The following TMEFF2 variants were observed in gnomAD, a reference collection of about 807,000 sequenced individuals.
TMEFF2 encodes the protein tomoregulin-2.
TMEFF2 carries 28 observed loss-of-function variants against 53.8 expected under a neutral mutation model. The ratio of observed to expected loss-of-function variants is 0.52; its 90% CI spans 0.39 to 0.71. The LOEUF (loss-of-function observed/expected upper bound fraction) is 0.71. TMEFF2 is among the 30% of genes least tolerant of loss of function. TMEFF2 has a pLI of 0.00. For missense variants in TMEFF2, 353 were observed against 455.2 expected (o/e 0.78, Z 2.04); for synonymous variants, 162 against 166.3 (o/e 0.97, Z 0.20).
intron 4 of TMEFF2, among the ~76,000 whole-genome samples, chr2:192,132,714 T>C (rs560717351): frequency 1.3e-5 from 2 of 152,280 alleles, no homozygotes; most frequent in South Asian, 4.1e-4. Flanking sequence ...GCCAGAAATC[T>C]GACCACCAGG....
At chr2:191,963,634 C>G (rs1692333015) in intron 7 of TMEFF2, among the ~76,000 whole-genome samples, 1 of 152,218 alleles carries the variant, frequency 6.6e-6, no homozygotes, top group South Asian at 2.1e-4. Flanking sequence ...CTGAATAACA[C>G]AGATAGAACA....
intron 5 of TMEFF2, among the ~76,000 whole-genome samples, chr2:192,054,330 A>G (rs753441353): frequency 4.6e-5 from 7 of 152,088 alleles, no homozygotes; most frequent in African/African-American, 7.2e-5. Flanking sequence ...TGCAATATCT[A>G]TCCAGGCTTT....
chr2:192,148,629 C>G (rs1418436947), intron 4 of TMEFF2, among the ~76,000 whole-genome samples: 1 of 152,032 alleles, frequency 6.6e-6, no homozygotes, highest in African/African-American at 2.4e-5. Context: ...AGTGAGTGAT[C>G]TGAGGAAGTC....
chr2:192,057,725 TATCAC>T lies in TMEFF2; in HGVS notation c.485_489del (p.Cys162TyrfsTer9). ...TCACATTCTGCACCAAACTGGCAAA[TATCAC>T]AGGTGGATGTCTCCTTTTGACTAGT... On this transcript the variant is annotated frameshift_variant, in exon 5 of 10. Transcript: ENST00000272771. LOFTEE classifies it high-confidence loss of function. 6.2e-7 allele frequency: 1 copy of T among 1,614,056 alleles called. No individual in the cohort carries two copies. The highest frequency in any genetic ancestry group is 8.5e-7 in the Non-Finnish European group (1 of 1,179,948).
chr2:191,950,835 A>C (rs1200067993), intron 9 of TMEFF2, among the ~76,000 whole-genome samples: 1 of 152,328 alleles, frequency 6.6e-6, no homozygotes, highest in African/African-American at 2.4e-5. Flanking sequence ...CCAGAGAATG[A>C]ACCAACTGTT....
At chr2:192,187,109 C>G (rs1317761455) in intron 2 of TMEFF2, among the ~76,000 whole-genome samples, 1 of 152,054 alleles carries the variant, frequency 6.6e-6, no homozygotes, top group African/African-American at 2.4e-5. Context: ...ATGAAGAACA[C>G]CAGAAGGAAG....
At chr2:192,173,878 C>T (rs995384602) in intron 4 of TMEFF2, among the ~76,000 whole-genome samples, 4 of 151,720 alleles carry the variant, frequency 2.6e-5, no homozygotes, top group African/African-American at 9.7e-5. Context: ...TAATTAAACC[C>T]TTCGGAGAAA....
At chr2:192,188,778 C>A (rs543143461) in intron 2 of TMEFF2, among the ~76,000 whole-genome samples, 5 of 152,068 alleles carry the variant, frequency 3.3e-5, no homozygotes, top group Non-Finnish European at 7.4e-5. Context: ...CATCTCCCTT[C>A]CTTTTTTCCT....
intron 4 of TMEFF2, among the ~76,000 whole-genome samples, chr2:192,121,478 A>C (rs1689552815): frequency 6.6e-6 from 1 of 152,158 alleles, no homozygotes. Context: ...GGACCAGGCT[A>C]TAGGGGCAAG....
Position 192,184,499 on chromosome 2 carries a change from A to T in TMEFF2, c.283-16T>A. ...CATTGTTGCACTGGGAAACACACAG[A>T]TGTAAGCCTATAGTTAGTACTGGAG... On this transcript the variant is annotated splice_polypyrimidine_tract_variant and intron_variant, in intron 2 of 9. Transcript: ENST00000272771. The T allele has an allele frequency of 1.2e-6, 2 of 1,612,750 alleles. No individual in the cohort carries two copies. Among genetic ancestry groups the T allele is most frequent in the African/African-American group, 2.7e-5 (2 of 74,960 alleles).
intron 3 of TMEFF2, 66 bp from the exon 4 acceptor site, chr2:192,179,760 CAA>C: frequency 1.4e-6 from 2 of 1,429,454 alleles, no homozygotes; most frequent in Non-Finnish European, 9.3e-7. Flanking sequence ...TTTTTAAGCT[CAA>C]GTTTATTTTC....
rs762975699 is a variant in TMEFF2, at chr2:192,179,558, A to G, written c.439+110T>C. 4 of 1,256,140 alleles carry G rather than the reference A, an allele frequency of 3.2e-6. No homozygotes were observed. In the South Asian group the frequency reaches 4.8e-5, roughly 15 times the overall value. 77.8% of individuals were successfully genotyped at this position (1,256,140 alleles called of 1,614,324 possible). The stretch of plus-strand genomic sequence containing the variant: ...TTTTTATGGTTTCACCTTTCCTAAA[A>G]TGCAAAATATGAAATTTGTCTTAAA... On this transcript the variant is annotated intron_variant, in intron 4 of 9. Transcript: ENST00000272771.
chr2:191,997,191 T>A (rs909654046), intron 7 of TMEFF2, among the ~76,000 whole-genome samples: 6 of 151,936 alleles, frequency 3.9e-5, no homozygotes, highest in African/African-American at 1.4e-4. Context: ...TTTCCATGTA[T>A]AATTGTCCAT....
rs527392181 is a variant in TMEFF2, at chr2:192,011,460, T to G, written c.537-12252A>C. On this transcript the variant is annotated intron_variant, in intron 5 of 9. Coordinates refer to ENST00000272771, the MANE Select transcript of TMEFF2 (RefSeq NM_016192.4). Reference sequence around the variant, plus strand: ...GGGTGGTAGGAAGACAAGAATGAGCTGGATAAACAATTGATATTATTCTTA... The same window carrying G: ...GGGTGGTAGGAAGACAAGAATGAGCGGGATAAACAATTGATATTATTCTTA... 4.6e-5 allele frequency among the ~76,000 whole-genome samples: 7 copies of G among 152,342 alleles called. No homozygotes were observed. The East Asian group carries it at 1.3e-3, about 29-fold the overall frequency.
At chr2:192,077,065 G>A (rs1267551399) in intron 4 of TMEFF2, among the ~76,000 whole-genome samples, 2 of 152,160 alleles carry the variant, frequency 1.3e-5, no homozygotes, top group East Asian at 3.9e-4. Context: ...GTGCTGATGA[G>A]TAGGGTTACA....
intron 4 of TMEFF2, among the ~76,000 whole-genome samples, chr2:192,131,773 T>C (rs1484526588): frequency 1.3e-5 from 2 of 152,154 alleles, no homozygotes; most frequent in Non-Finnish European, 2.9e-5. Context: ...AACTCTCACC[T>C]GACCTAAAAT....
Position 192,024,712 on chromosome 2 carries a change from T to C in TMEFF2, c.537-25504A>G, listed in dbSNP as rs142478191. ...AATTTTACTTTTTTAAGCACTTTAT[T>C]TGGAGTCTAGCCTCGGCTTTATTTA... On this transcript the variant is annotated intron_variant, in intron 5 of 9. Transcript: ENST00000272771. 1.2e-4 allele frequency among the ~76,000 whole-genome samples: 19 copies of C among 152,320 alleles called. No homozygotes were observed. The East Asian group carries it at 2.3e-3, about 19-fold the overall frequency.
chr2:192,094,438 A>C (rs1372248410), intron 4 of TMEFF2, among the ~76,000 whole-genome samples: 1 of 152,114 alleles, frequency 6.6e-6, no homozygotes, highest in Non-Finnish European at 1.5e-5. Flanking sequence ...ATAAAATTCT[A>C]CCAGAGGCCA....
intron 7 of TMEFF2, among the ~76,000 whole-genome samples, chr2:191,979,765 A>T (rs1188505347): frequency 6.6e-6 from 1 of 151,840 alleles, no homozygotes; most frequent in African/African-American, 2.4e-5. Context: ...AAAAAAAAAA[A>T]TTAAACCCTC....
Sources: gnomAD v4.1 joint callset for allele counts (sites outside exome capture counted in the v4.1 genomes callset) on GRCh38, gnomAD v4.1.1 for gene constraint, MANE v1.5 for transcripts, NCBI Gene and HGNC (gene_info 2026-07-23, HGNC 2026-07-21) for gene names.